The following PBX1 variants were observed in gnomAD, a reference collection of about 807,000 sequenced individuals.
The protein encoded by PBX1 is pre-B-cell leukemia transcription factor 1.
Under a neutral mutation model 53.4 loss-of-function variants are expected in PBX1, and 6 were observed. That is an observed-to-expected ratio of 0.11 (90% CI 0.06 to 0.22). PBX1 has a LOEUF of 0.22. Among genes scored for constraint, PBX1 ranks in the 10% least tolerant of loss-of-function variants. The pLI, the probability that PBX1 is intolerant of heterozygous loss-of-function variation, is 1.00. For synonymous variants in PBX1, 204 were observed against 212.3 expected (o/e 0.96, Z 0.34); for missense variants, 251 against 551.4 (o/e 0.46, Z 5.46).
intron 2 of PBX1, among the ~76,000 whole-genome samples, chr1:164,676,322 A>C (rs1014369531): frequency 6.6e-6 from 1 of 152,076 alleles, no homozygotes; most frequent in Non-Finnish European, 1.5e-5. Context: ...GTAGGCATAG[A>C]GTAGGTCTGT....
At chr1:164,565,842 G>T (rs983181545) in intron 2 of PBX1, among the ~76,000 whole-genome samples, 1 of 151,562 alleles carries the variant, frequency 6.6e-6, no homozygotes, top group Admixed American at 6.6e-5. Flanking sequence ...TATTGTTTGG[G>T]GACTTTTTCT....
chr1:164,580,290 AT>A (rs1201919599), intron 2 of PBX1, among the ~76,000 whole-genome samples: 3 of 151,848 alleles, frequency 2.0e-5, no homozygotes, highest in Admixed American at 6.6e-5. Flanking sequence ...GACTTTTTTT[AT>A]TTTTTGAGAT....
At chr1:164,801,198 G>T (rs1322715999) in intron 4 of PBX1, among the ~76,000 whole-genome samples, 2 of 152,164 alleles carry the variant, frequency 1.3e-5, no homozygotes, top group Non-Finnish European at 2.9e-5. Flanking sequence ...CCCCAGCTGG[G>T]TATAGTAATG....
At chr1:164,813,926 T>A (rs1669748967) in intron 6 of PBX1, 1 of 152,232 alleles carries the variant, frequency 6.6e-6, no homozygotes, top group Admixed American at 6.5e-5. Context: ...TTCTGGTGGC[T>A]TAAACATCAT....
At chr1:164,585,178 TG>T (rs1469145840) in intron 2 of PBX1, among the ~76,000 whole-genome samples, 9 of 152,170 alleles carry the variant, frequency 5.9e-5, no homozygotes, top group African/African-American at 2.2e-4. Flanking sequence ...CCCCTTCCAA[TG>T]TGAGTATGTG....
At chr1:164,869,617 T>A (rs1194140393) in intron 2 of PBX1, among the ~76,000 whole-genome samples, 2 of 151,978 alleles carry the variant, frequency 1.3e-5, no homozygotes, top group African/African-American at 2.4e-5. Flanking sequence ...GACCAAATAG[T>A]CCCTGCCCTC....
chr1:164,877,581 T>G (rs1672545556), intron 2 of PBX1, among the ~76,000 whole-genome samples: 1 of 152,022 alleles, frequency 6.6e-6, no homozygotes, highest in South Asian at 2.1e-4. Context: ...GAGAATCACT[T>G]GAACCCAGTA....
chr1:164,866,404 G>A (rs1571543506), intron 2 of PBX1, among the ~76,000 whole-genome samples: 1 of 152,200 alleles, frequency 6.6e-6, no homozygotes, highest in Non-Finnish European at 1.5e-5. Context: ...GTCACAGGAA[G>A]CACAGGAAAT....
chr1:164,742,203 A>G (rs1571321558), intron 2 of PBX1, among the ~76,000 whole-genome samples: 2 of 152,046 alleles, frequency 1.3e-5, no homozygotes. Flanking sequence ...ATGACAGGGT[A>G]TCTGTATTAC....
intron 2 of PBX1, among the ~76,000 whole-genome samples, chr1:164,640,491 C>T (rs1659055310): frequency 1.3e-5 from 2 of 151,540 alleles, no homozygotes; most frequent in Non-Finnish European, 2.9e-5. Context: ...GATGTGATGA[C>T]ACTAGCACAA....
intron 2 of PBX1, among the ~76,000 whole-genome samples, chr1:164,740,936 A>G (rs1222615712): frequency 6.6e-6 from 1 of 152,196 alleles, no homozygotes; most frequent in Non-Finnish European, 1.5e-5. Context: ...TCGAACTTTA[A>G]ATACTGTTAA....
chr1:164,706,201 C>T (rs1435881420), intron 2 of PBX1, among the ~76,000 whole-genome samples: 2 of 152,110 alleles, frequency 1.3e-5, no homozygotes, highest in African/African-American at 4.8e-5. Context: ...GTCTTTTCAC[C>T]TCTTCTTGCC....
At chr1:164,806,310 G>A (rs1026375821) in intron 4 of PBX1, among the ~76,000 whole-genome samples, 1 of 152,012 alleles carries the variant, frequency 6.6e-6, no homozygotes, top group African/African-American at 2.4e-5. Flanking sequence ...AAAAAAAAGT[G>A]ATTTTCTCCT....
chr1:164,751,494 C>A (rs997227329), intron 2 of PBX1, among the ~76,000 whole-genome samples: 2 of 151,800 alleles, frequency 1.3e-5, no homozygotes, highest in African/African-American at 2.4e-5. Context: ...ATGTAAAACT[C>A]ACTCTTCTCA....
At chr1:164,759,781 A>G (rs1474363312) in intron 2 of PBX1, among the ~76,000 whole-genome samples, 1 of 152,192 alleles carries the variant, frequency 6.6e-6, no homozygotes, top group African/African-American at 2.4e-5. Flanking sequence ...AAGGAGTACA[A>G]AATTACTCTT....
intron 2 of PBX1, among the ~76,000 whole-genome samples, chr1:164,709,412 A>G (rs1663624770): frequency 1.3e-5 from 2 of 152,162 alleles, no homozygotes; most frequent in Admixed American, 1.3e-4. Context: ...CAAAAATAGA[A>G]AAAGGGGGAA....
chr1:164,600,646 G>A (rs571637319), intron 2 of PBX1, among the ~76,000 whole-genome samples: 4 of 152,306 alleles, frequency 2.6e-5, no homozygotes, highest in Admixed American at 1.3e-4. Context: ...GCAGCCCCAT[G>A]CCTGTTTAAC....
intron 2 of PBX1, among the ~76,000 whole-genome samples, chr1:164,646,052 C>CAA (rs1436143964): frequency 6.6e-6 from 1 of 152,122 alleles, no homozygotes; most frequent in African/African-American, 2.4e-5. Context: ...TTATAAGGGC[C>CAA]AAACAAAAGT....
At chr1:164,749,002 C>A (rs1666049064) in intron 2 of PBX1, among the ~76,000 whole-genome samples, 1 of 152,124 alleles carries the variant, frequency 6.6e-6, no homozygotes, top group Admixed American at 6.5e-5. Context: ...GACCTCACTC[C>A]TGGTTGGGAA....
Sources: allele counts gnomAD v4.1 joint callset (sites outside exome capture counted in the v4.1 genomes callset), GRCh38; gene constraint gnomAD v4.1.1; transcripts MANE v1.5; gene names NCBI Gene and HGNC (gene_info 2026-07-23, HGNC 2026-07-21).